Variants in GRM8 observed in about 807,000 individuals in gnomAD.
GRM8 encodes the protein glutamate metabotropic receptor 8, also known as metabotropic glutamate receptor 8.
GRM8 carries 47 observed loss-of-function variants against 87.2 expected under a neutral mutation model. That is an observed-to-expected ratio of 0.54 (90% confidence interval 0.43 to 0.69). The LOEUF (loss-of-function observed/expected upper bound fraction) is 0.69. GRM8 is among the 30% of genes least tolerant of loss of function. GRM8 has a pLI of 0.00. For missense variants in GRM8, 1,019 were observed against 1,139.2 expected (o/e 0.89, Z 1.52); for synonymous variants, 396 against 404.5 (o/e 0.98, Z 0.25).
chr7:126,493,634 T>G (rs1172669847), intron 9 of GRM8, among the ~76,000 whole-genome samples: 1 of 152,016 alleles, frequency 6.6e-6, no homozygotes, highest in South Asian at 2.1e-4. Context: ...GCAGCCTCCC[T>G]AAGTAGAACA....
At chr7:126,779,115 T>G (rs1819792879) in intron 6 of GRM8, among the ~76,000 whole-genome samples, 1 of 152,106 alleles carries the variant, frequency 6.6e-6, no homozygotes, top group East Asian at 1.9e-4. Context: ...AATCTTTCAT[T>G]AAGATTCTTA....
chr7:126,997,418 G>A (rs1178788687), intron 3 of GRM8, among the ~76,000 whole-genome samples: 4 of 149,570 alleles, frequency 2.7e-5, no homozygotes, highest in South Asian at 4.2e-4. Context: ...CAAATTATTA[G>A]AAGAAAAAAA....
At chr7:126,849,600 C>T (rs567420763) in intron 6 of GRM8, among the ~76,000 whole-genome samples, 2 of 152,304 alleles carry the variant, frequency 1.3e-5, no homozygotes, top group African/African-American at 2.4e-5. Context: ...CATCTACTTT[C>T]GTTCTCCTAA....
intron 3 of GRM8, among the ~76,000 whole-genome samples, chr7:126,905,108 T>C (rs1191838353): frequency 2.0e-5 from 3 of 152,248 alleles, no homozygotes; most frequent in Non-Finnish European, 4.4e-5. Context: ...TTTTATTTAC[T>C]GGTAGACTTC....
intron 3 of GRM8, among the ~76,000 whole-genome samples, chr7:127,102,058 C>T (rs12375090): frequency 0.15 from 22,746 of 152,158 alleles, 1,922 homozygotes; most frequent in Middle Eastern, 0.2. Context: ...TATGTCCATG[C>T]CTTAGGACTC....
intron 3 of GRM8, among the ~76,000 whole-genome samples, chr7:127,072,657 G>C (rs887884062): frequency 6.8e-6 from 1 of 147,646 alleles, no homozygotes; most frequent in Non-Finnish European, 1.5e-5. Flanking sequence ...TGCAGCATCT[G>C]GCTCAACACA....
At chr7:126,713,306 T>C (rs190469817) in intron 7 of GRM8, among the ~76,000 whole-genome samples, 57 of 152,252 alleles carry the variant, frequency 3.7e-4, no homozygotes, top group Admixed American at 3.0e-3. Context: ...GGGACAGGGA[T>C]GAAGCTGGGT....
intron 3 of GRM8, among the ~76,000 whole-genome samples, chr7:126,995,413 C>A (rs1207957916): frequency 6.6e-6 from 1 of 152,168 alleles, no homozygotes; most frequent in Non-Finnish European, 1.5e-5. Context: ...GCCTTTCAGG[C>A]AGAGAATTCA....
At chr7:126,907,287 GGGAGGAGGAAGAGGGA>G (rs1159053077) in intron 3 of GRM8, among the ~76,000 whole-genome samples, 14 of 123,332 alleles carry the variant, frequency 1.1e-4, no homozygotes, top group African/African-American at 3.8e-4. Flanking sequence ...AAGAAGAAAG[GGGAGGAGGAAGAGGGA>G]GGAGGAGGAA....
chr7:126,581,011 A>C (rs1362811819), intron 8 of GRM8, among the ~76,000 whole-genome samples: 3 of 152,102 alleles, frequency 2.0e-5, no homozygotes, highest in Non-Finnish European at 4.4e-5. Context: ...TTATTTGACC[A>C]GGAAGCCTTT....
intron 8 of GRM8, among the ~76,000 whole-genome samples, chr7:126,555,644 C>T (rs1793060768): frequency 6.6e-6 from 1 of 152,172 alleles, no homozygotes; most frequent in Admixed American, 6.5e-5. Context: ...AGGGTTTCTG[C>T]TATTTGACAC....
chr7:127,006,585 C>T (rs1814331160), intron 3 of GRM8, among the ~76,000 whole-genome samples: 1 of 152,002 alleles, frequency 6.6e-6, no homozygotes. Flanking sequence ...ATTATTCAGT[C>T]TCTCAAGAGT....
chr7:126,879,198 GA>G lies in GRM8; in HGVS notation c.1156+23343del, dbSNP rs565093295. On this transcript the variant is annotated intron_variant, in intron 6 of 10. Transcript: ENST00000339582. ...GGTCGGGGGAGGGGGCAGGGAGGAA[GA>G]AAAAAAAAAAACATGATGAGGCTTA... Among the ~76,000 whole-genome samples the G allele has an allele frequency of 4.8e-3, 639 of 133,352 alleles. 3 individuals carry two copies. The highest frequency in any genetic ancestry group is 0.012 in the East Asian group (57 of 4,606). 87.5% of individuals were successfully genotyped at this position (133,352 alleles called of 152,430 possible).
At chr7:126,505,231 G>T (rs1044283966) in intron 9 of GRM8, among the ~76,000 whole-genome samples, 6 of 152,160 alleles carry the variant, frequency 3.9e-5, no homozygotes, top group African/African-American at 1.4e-4. Flanking sequence ...TTACTTTAGT[G>T]TCTTAATTCT....
chr7:127,161,653 A>G (rs1793124534), intron 2 of GRM8, among the ~76,000 whole-genome samples: 1 of 80,132 alleles, frequency 1.2e-5, no homozygotes, highest in Non-Finnish European at 2.9e-5. Context: ...AAGAAAATAT[A>G]CCTTCTTTAC....
chr7:126,921,862 C>T (rs1284229596), intron 3 of GRM8, among the ~76,000 whole-genome samples: 2 of 151,850 alleles, frequency 1.3e-5, no homozygotes, highest in Non-Finnish European at 2.9e-5. Context: ...AGAAAGGAAA[C>T]AAGAATGAAC....
chr7:126,543,049 A>G (rs1816726924), intron 8 of GRM8, among the ~76,000 whole-genome samples: 2 of 152,182 alleles, frequency 1.3e-5, no homozygotes, highest in African/African-American at 4.8e-5. Context: ...CACTGCATAC[A>G]TAAATCCAAT....
chr7:127,186,917 A>C (rs1045758053), intron 2 of GRM8, among the ~76,000 whole-genome samples: 13 of 152,146 alleles, frequency 8.5e-5, no homozygotes, highest in African/African-American at 3.1e-4. Flanking sequence ...AAGGGACCTC[A>C]TGTGGGAAGT....
chr7:126,479,393 AG>A (rs1806388706), intron 9 of GRM8, among the ~76,000 whole-genome samples: 1 of 152,058 alleles, frequency 6.6e-6, no homozygotes. Context: ...GCCTTCCCCT[AG>A]CCCTAGGTAA....
Sources: gnomAD v4.1 joint callset for allele counts (sites outside exome capture counted in the v4.1 genomes callset) on GRCh38, gnomAD v4.1.1 for gene constraint, MANE v1.5 for transcripts, NCBI Gene and HGNC (gene_info 2026-07-23, HGNC 2026-07-21) for gene names.